Variants in DAB1 observed in about 807,000 individuals in gnomAD.
DAB1 encodes DAB adaptor protein 1, also known as disabled homolog 1.
In DAB1, 15 loss-of-function variants were observed where a neutral mutation model predicts 64.6. The observed-to-expected ratio is 0.23, with a 90% CI of 0.16 to 0.36. The LOEUF (loss-of-function observed/expected upper bound fraction) is 0.36, where lower values mean the gene tolerates loss of function less well. DAB1 is among the 10% of genes least tolerant of loss of function. The pLI is 1.00. For synonymous variants in DAB1, 235 were observed against 251.9 expected, an observed-to-expected ratio of 0.93 and a Z score of 0.64; for missense variants, 596 against 706.7, an observed-to-expected ratio of 0.84 and a Z score of 1.78.
At chr1:57,542,051 T>C (rs892026623) in intron 7 of DAB1, among the ~76,000 whole-genome samples, 1 of 152,170 alleles carries the variant, frequency 6.6e-6, no homozygotes, top group African/African-American at 2.4e-5. Context: ...ATATTCCCAT[T>C]TTACTAATGA....
intron 4 of DAB1, among the ~76,000 whole-genome samples, chr1:58,226,355 G>A (rs1261055502): frequency 1.3e-5 from 2 of 150,660 alleles, no homozygotes; most frequent in East Asian, 3.9e-4. Context: ...TTTTTTTTCA[G>A]CCCTTAAAGG....
Position 57,446,195 on chromosome 1 carries a change from G to T in DAB1, n.626-155029C>A, listed in dbSNP as rs564509935. Among the ~76,000 whole-genome samples the T allele has an allele frequency of 2.0e-5, 3 of 152,250 alleles. No homozygotes were observed. In the South Asian group the frequency reaches 6.2e-4, roughly 32 times the overall value. The stretch of plus-strand genomic sequence containing the variant: ...CTTTTTTGTCATTATGTCCTTAATA[G>T]TTCCATCTTCACTGTAGATACACCA... On this transcript the variant is annotated intron_variant and non_coding_transcript_variant, in intron 7 of 20. Transcript: ENST00000485760.
At chr1:58,054,537 G>A (rs536310575) in intron 5 of DAB1, among the ~76,000 whole-genome samples, 54 of 152,292 alleles carry the variant, frequency 3.5e-4, no homozygotes, top group African/African-American at 1.3e-3. Flanking sequence ...TGCAATGAAC[G>A]AAGGGCTGTC....
chr1:58,123,107 C>A (rs568876048), intron 5 of DAB1, among the ~76,000 whole-genome samples: 30 of 152,268 alleles, frequency 2.0e-4, no homozygotes, highest in African/African-American at 7.2e-4. Context: ...CTTTGTTACA[C>A]AATTCACCCC....
intron 4 of DAB1, among the ~76,000 whole-genome samples, chr1:58,183,225 C>T (rs1656892027): frequency 6.6e-6 from 1 of 152,034 alleles, no homozygotes; most frequent in Non-Finnish European, 1.5e-5. Context: ...GGTTGGAGAA[C>T]ACTTTCAACC....
chr1:57,946,613 C>G (rs1251872957), intron 5 of DAB1, among the ~76,000 whole-genome samples: 2 of 152,126 alleles, frequency 1.3e-5, no homozygotes, highest in Non-Finnish European at 2.9e-5. Context: ...GGGATGCGGT[C>G]TGATATATAT....
At chr1:58,049,099 C>T (rs1287299367) in intron 5 of DAB1, 4 of 806,228 alleles carry the variant, frequency 5.0e-6, no homozygotes, top group African/African-American at 1.7e-5. Flanking sequence ...ACCTCCTCCA[C>T]AGTGGCATAT....
chr1:58,154,406 CA>C (rs1655108538), intron 4 of DAB1, among the ~76,000 whole-genome samples: 1 of 152,092 alleles, frequency 6.6e-6, no homozygotes, highest in Non-Finnish European at 1.5e-5. Context: ...AATGCACCAC[CA>C]GATCACCAGG....
intron 1 of DAB1, chr1:58,539,113 C>T (rs941645098): frequency 2.3e-6 from 2 of 872,798 alleles, no homozygotes; most frequent in Admixed American, 1.7e-5. Context: ...CAGAAAACTC[C>T]ACCTGTCACA....
rs188226475 is a variant in DAB1 at position 58,151,141 on chromosome 1, C to T, written n.310-553G>A. On this transcript the variant is annotated intron_variant and non_coding_transcript_variant, in intron 4 of 20. Coordinates refer to the DAB1 transcript ENST00000485760. Reference sequence around the variant, plus strand: ...AAGTCTTTGGTATTGTGAATAGTGCCGCAATAAACATATGTGTGCATGTGT... The same window carrying T: ...AAGTCTTTGGTATTGTGAATAGTGCTGCAATAAACATATGTGTGCATGTGT... 2.1e-3 allele frequency among the ~76,000 whole-genome samples: 325 copies of T among 152,140 alleles called. 4 individuals carry two copies. The highest frequency in any genetic ancestry group is 7.4e-3 in the African/African-American group (307 of 41,486).
chr1:57,282,214 AG>A (rs1671974131), intron 2 of DAB1, among the ~76,000 whole-genome samples: 1 of 38,682 alleles, frequency 2.6e-5, no homozygotes, highest in African/African-American at 1.0e-4. Flanking sequence ...AAAAAAAAAC[AG>A]GTGACTGAGT....
At chr1:58,031,662 G>GA (rs1367994198) in intron 5 of DAB1, among the ~76,000 whole-genome samples, 2 of 152,156 alleles carry the variant, frequency 1.3e-5, no homozygotes, top group Non-Finnish European at 2.9e-5. Flanking sequence ...AGAGGAAGCT[G>GA]AATTGCTTTG....
chr1:58,514,872 C>A (rs1415885868), intron 2 of DAB1, among the ~76,000 whole-genome samples: 1 of 152,154 alleles, frequency 6.6e-6, no homozygotes, highest in East Asian at 1.9e-4. Context: ...GAGAGGGAAA[C>A]CTTACTGTCT....
chr1:57,550,293 A>G (rs1644900190), intron 7 of DAB1, among the ~76,000 whole-genome samples: 1 of 152,164 alleles, frequency 6.6e-6, no homozygotes, highest in Non-Finnish European at 1.5e-5. Flanking sequence ...GAAGTGGTTA[A>G]CTTCTTAGCT....
intron 1 of DAB1, among the ~76,000 whole-genome samples, chr1:57,384,994 A>G (rs975567612): frequency 6.6e-6 from 1 of 152,210 alleles, no homozygotes; most frequent in African/African-American, 2.4e-5. Context: ...ATACTCCCCC[A>G]TGCTATGACA....
chr1:57,006,476 C>T (rs1408456512), intron 14 of DAB1, among the ~76,000 whole-genome samples: 1 of 152,216 alleles, frequency 6.6e-6, no homozygotes, highest in Admixed American at 6.5e-5. Flanking sequence ...TCGGTCTTAA[C>T]CTTCTGTTGA....
At chr1:57,757,757 C>T (rs1483727894) in intron 6 of DAB1, among the ~76,000 whole-genome samples, 11 of 152,172 alleles carry the variant, frequency 7.2e-5, no homozygotes, top group South Asian at 4.1e-4. Context: ...ACTTTTTTGG[C>T]GGGGACACAA....
intron 5 of DAB1, among the ~76,000 whole-genome samples, chr1:57,996,085 C>T (rs1284488923): frequency 6.6e-6 from 1 of 151,952 alleles, no homozygotes; most frequent in South Asian, 2.1e-4. Flanking sequence ...ATGGTGAAAC[C>T]CCGTCTCTAC....
chr1:57,707,921 C>T (rs185821307), intron 6 of DAB1, among the ~76,000 whole-genome samples: 1 of 152,154 alleles, frequency 6.6e-6, no homozygotes, highest in Non-Finnish European at 1.5e-5. Flanking sequence ...GAAGAATTCC[C>T]TGGGTTACCA....
Sources: gnomAD v4.1 joint callset for allele counts (sites outside exome capture counted in the v4.1 genomes callset) on GRCh38, gnomAD v4.1.1 for gene constraint, MANE v1.5 for transcripts, NCBI Gene and HGNC (gene_info 2026-07-23, HGNC 2026-07-21) for gene names.